The following SALL1 variants were observed in gnomAD, a reference collection of about 807,000 sequenced individuals.
SALL1 encodes the protein spalt like transcription factor 1, also known as sal-like protein 1.
SALL1 carries 10 observed loss-of-function variants against 73.1 expected under a neutral mutation model. The observed-to-expected ratio is 0.14, with a 90% confidence interval of 0.08 to 0.23. The LOEUF is 0.23. Ranked by LOEUF, SALL1 falls within the 10% of genes least tolerant of loss-of-function variation. The pLI is 1.00. For synonymous variants in SALL1, 688 were observed against 689.8 expected (o/e 1.00, Z 0.04); for missense variants, 1,520 against 1,697.3 (o/e 0.90, Z 1.84).
At position 51,139,045 on chromosome 16, in the gene SALL1, C is replaced by G. The variant is rs773114400; in HGVS notation, c.3177G>C (p.Gln1059His). The G allele has an allele frequency of 6.2e-7, 1 of 1,614,176 alleles. No homozygotes were observed. The highest frequency in any genetic ancestry group is 2.2e-5 in the East Asian group (1 of 44,880). Residue 1059 changes from glutamine to histidine, a missense_variant, in exon 2 of 3, where the codon CAG becomes CAC. Gln to His is a conservative substitution (Grantham distance 24). Around this residue, in one of 7 missense-constraint regions of SALL1, gnomAD observed 318 missense variants for 357.1 expected, o/e 0.89. Transcript: ENST00000251020. ...LTHQMRDLPS[Q>H]LFEPSSNLGP... Reference sequence around the variant, plus strand: ...CAAGGTTGGAACTGGGCTCAAAGAGCTGGGATGGCAGATCTCGCATCTGAT... The same window carrying G: ...CAAGGTTGGAACTGGGCTCAAAGAGGTGGGATGGCAGATCTCGCATCTGAT...
chr16:51,137,075 A>T lies in SALL1; in HGVS notation c.*37T>A, dbSNP rs546755867. 4 of 1,606,614 alleles carry T rather than the reference A, an allele frequency of 2.5e-6. No individual in the cohort carries two copies. On this transcript the variant is annotated 3_prime_UTR_variant, in exon 3 of 3. Transcript: ENST00000251020. ...GGAGGCCACCATAGGTCGCATTCTGAACAGGAATGAATGCTATGTCTCCAG... is the reference window on the plus strand; with the variant it reads ...GGAGGCCACCATAGGTCGCATTCTGTACAGGAATGAATGCTATGTCTCCAG...
At chr16:51,143,034 A>G (rs2143455996) in intron 1 of SALL1, among the ~76,000 whole-genome samples, 1 of 152,354 alleles carries the variant, frequency 6.6e-6, no homozygotes, top group East Asian at 1.9e-4. Context: ...TACATTTCTG[A>G]TTAAACATCA....
chr16:51,147,978 G>C (rs1395836208), intron 1 of SALL1, among the ~76,000 whole-genome samples: 1 of 152,144 alleles, frequency 6.6e-6, no homozygotes, highest in East Asian at 1.9e-4. Context: ...TTCAAGACTT[G>C]TTGAATATCA....
Position 51,136,079 on chromosome 16 carries a change from C to G in SALL1, c.*1033G>C, listed in dbSNP as rs564102982. The stretch of plus-strand genomic sequence containing the variant: ...AGTATTAAATGTTAAAGAAATTGGA[C>G]CCCCCCTTTCCTTTCAACTTTCCAA... On this transcript the variant is annotated 3_prime_UTR_variant, in exon 3 of 3. Transcript: ENST00000251020. The G allele has an allele frequency of 6.6e-6, 1 of 152,440 alleles. No homozygotes were observed. Among genetic ancestry groups the G allele is most frequent in the African/African-American group, 2.4e-5 (1 of 41,374 alleles). The allele number at this position is 152,440 out of a possible 1,614,324, so 9.4% of individuals were successfully genotyped here.
rs752050206 is a variant in SALL1 at position 51,140,138 on chromosome 16, A to G, written c.2084T>C (p.Val695Ala). The change falls in exon 2 of 3, where the codon GTA (valine) becomes GCA (alanine). Residue 695 changes from valine to alanine, a missense_variant. Physicochemically the swap from Val to Ala is moderately conservative, Grantham distance 64. Coordinates refer to ENST00000251020, the MANE Select transcript of SALL1 (RefSeq NM_002968.3). This position sits in a 1 kb window ranked among gnomAD's most constrained non-coding sequence, Gnocchi z 5.7. ...AGTGGCCTTCTTGTCAATGTTTTCT[A>G]CCAGTTGCTGAAGCTTGGACGTCTC... Reference protein sequence around the residue: ...ASETSKLQQLVENIDKKATDP... With the variant: ...ASETSKLQQLAENIDKKATDP... 6.2e-7 allele frequency: 1 copy of G among 1,614,090 alleles called. No homozygotes were observed. The highest frequency in any genetic ancestry group is 8.5e-7 in the Non-Finnish European group (1 of 1,180,020).
chr16:51,139,538 C>G lies in SALL1; in HGVS notation c.2684G>C (p.Gly895Ala). The change falls in exon 2 of 3, where the codon GGG becomes GCG. Residue 895 changes from glycine (G) to alanine (A), a missense_variant. Gly to Ala is a moderately conservative substitution (Grantham distance 60). Around this residue, in one of 7 missense-constraint regions of SALL1, gnomAD observed 266 missense variants for 275.1 expected, o/e 0.97. Transcript: ENST00000251020. Reference sequence around the variant, plus strand: ...GGATGAATCATTGGTCAGGACATCCCCCTCGATGGACCCATTCTCCACTGA... The same window carrying G: ...GGATGAATCATTGGTCAGGACATCCGCCTCGATGGACCCATTCTCCACTGA... ...LKSVENGSIE[G>A]DVLTNDSSSV... The G allele has an allele frequency of 2.5e-6, 4 of 1,614,188 alleles. No homozygotes were observed. Among genetic ancestry groups the G allele is most frequent in the Non-Finnish European group, 3.4e-6 (4 of 1,180,038 alleles).
intron 1 of SALL1, among the ~76,000 whole-genome samples, chr16:51,144,706 C>T (rs1479890898): frequency 6.6e-6 from 1 of 152,154 alleles, no homozygotes; most frequent in African/African-American, 2.4e-5. Flanking sequence ...CTTTCCTGCA[C>T]TCAAATTCTG....
Position 51,142,005 on chromosome 16 carries a change from T to A in SALL1, c.217A>T (p.Ile73Phe). 6.2e-7 allele frequency: 1 copy of A among 1,614,072 alleles called. No individual in the cohort carries two copies. Among genetic ancestry groups the A allele is most frequent in the Non-Finnish European group, 8.5e-7 (1 of 1,180,020 alleles). Reference sequence around the variant, plus strand: ...GGGGAGGCTGGATTTTCATTTACGATTAAAACTAATTGATTTTTAGTACAG... The same window carrying A: ...GGGGAGGCTGGATTTTCATTTACGAATAAAACTAATTGATTTTTAGTACAG... ...KNCTKNQLVL[I>F]VNENPASPPE... The change falls in exon 2 of 3, where the codon ATC (isoleucine) becomes TTC (phenylalanine). Residue 73 changes from isoleucine to phenylalanine, a missense_variant. Physicochemically the swap from Ile to Phe is conservative, Grantham distance 21. This residue lies in a region of SALL1 where 540 missense variants were observed against 567.5 expected (regional missense o/e 0.95). Coordinates refer to ENST00000251020, the MANE Select transcript of SALL1 (RefSeq NM_002968.3).
intron 1 of SALL1, among the ~76,000 whole-genome samples, chr16:51,144,003 G>T (rs1962481068): frequency 7.3e-6 from 1 of 137,784 alleles, no homozygotes; most frequent in Non-Finnish European, 1.5e-5. Context: ...GCACATGGAA[G>T]GTGCTGTTTT....
rs749198993 is a variant in SALL1, at chr16:51,141,954, G to T, written c.268C>A (p.Pro90Thr). ...SPPETFSPSP[P>T]PDNPDEQMND... is the part of the protein sequence containing the mutation. ...ATTTGTTCATCAGGATTATCAGGAGGGGGGCTGGGGGAGAAGGTTTCGGGT... is the reference window on the plus strand; with the variant it reads ...ATTTGTTCATCAGGATTATCAGGAGTGGGGCTGGGGGAGAAGGTTTCGGGT... Residue 90 changes from proline (P) to threonine (T), a missense_variant, in exon 2 of 3, where the codon CCT (proline) becomes ACT (threonine). Pro to Thr is a conservative substitution (Grantham distance 38). Around this residue, in one of 7 missense-constraint regions of SALL1, gnomAD observed 540 missense variants for 567.5 expected, o/e 0.95. Transcript: ENST00000251020. The surrounding 1 kb of genome is among the most constrained non-coding windows in gnomAD (Gnocchi z 5.4). 49 of 1,613,846 alleles carry T rather than the reference G, an allele frequency of 3.0e-5. No individual in the cohort carries two copies. Among genetic ancestry groups the T allele is most frequent in the Non-Finnish European group, 3.8e-5 (45 of 1,180,002 alleles).
At chr16:51,150,943 G>C (rs1962589223) in intron 1 of SALL1, 1 of 410,498 alleles carries the variant, frequency 2.4e-6, no homozygotes, top group Admixed American at 4.2e-5. Context: ...GAAAGATCCT[G>C]CCGGGAGATG....
Position 51,137,013 on chromosome 16 carries a change from G to C in SALL1, c.*99C>G. 1.0e-6 allele frequency: 1 copy of C among 977,412 alleles called. No homozygotes were observed. The highest frequency in any genetic ancestry group is 2.1e-5 in the Admixed American group (1 of 46,732). The allele number at this position is 977,412 out of a possible 1,614,324, so 60.5% of individuals were successfully genotyped here. ...TTGTAGTTCATAGATCTGGGGAACA[G>C]AAGGAAGGGGCGGGGCGGGGTGGGG... On this transcript the variant is annotated 3_prime_UTR_variant, in exon 3 of 3. Transcript: ENST00000251020.
chr16:51,137,460 A>G lies in SALL1; in HGVS notation c.3627T>C (p.Asn1209=). ...VDGPMTFLGG[N]PVKFPEMFQK... ...GGAACATTTCTGGGAACTTGACGGG[A>G]TTGCCTCCTAGAAATGTCATGGGGC... The change falls in exon 3 of 3, where the codon AAT becomes AAC. Residue 1209 remains asparagine, a synonymous_variant. Transcript: ENST00000251020. 2 of 1,613,930 alleles carry G rather than the reference A, an allele frequency of 1.2e-6. No individual in the cohort carries two copies. The highest frequency in any genetic ancestry group is 1.7e-6 in the Non-Finnish European group (2 of 1,179,990).
upstream of SALL1, chr16:51,152,158 G>A (rs1248709744): frequency 6.6e-6 from 1 of 152,184 alleles, no homozygotes; most frequent in Non-Finnish European, 1.5e-5. Flanking sequence ...GGGGCGCGGA[G>A]AAGAGGATCC....
intron 1 of SALL1, among the ~76,000 whole-genome samples, chr16:51,150,154 C>T (rs913750020): frequency 6.6e-6 from 1 of 152,196 alleles, no homozygotes; most frequent in Non-Finnish European, 1.5e-5. Context: ...CTGCCCGGAT[C>T]TCTTCCACTC....
intron 1 of SALL1, among the ~76,000 whole-genome samples, chr16:51,148,777 A>G (rs947555858): frequency 2.0e-5 from 3 of 152,224 alleles, no homozygotes; most frequent in Non-Finnish European, 4.4e-5. Flanking sequence ...ATTACAACAC[A>G]CTAAATCCTG....
chr16:51,149,170 T>C (rs1021839019), intron 1 of SALL1: 3 of 152,592 alleles, frequency 2.0e-5, no homozygotes, highest in Non-Finnish European at 1.5e-5. Flanking sequence ...TATTATTGCT[T>C]TATGAGAAGA....
rs369966012 is a variant in SALL1 at position 51,141,927 on chromosome 16, T to A, written c.295A>T (p.Asn99Tyr). The A allele has an allele frequency of 1.2e-6, 2 of 1,613,716 alleles. No homozygotes were observed. Among genetic ancestry groups the A allele is most frequent in the Non-Finnish European group, 1.7e-6 (2 of 1,179,944 alleles). ...PPPDNPDEQMNDTVNKTDQVD... is the reference protein window; with the variant it reads ...PPPDNPDEQMYDTVNKTDQVD... ...TGATCTGTTTTGTTAACTGTGTCAT[T>A]CATTTGTTCATCAGGATTATCAGGA... The change falls in exon 2 of 3, where the codon AAT (asparagine) becomes TAT (tyrosine). Residue 99 changes from asparagine to tyrosine, a missense_variant. Asn to Tyr is a moderately radical substitution (Grantham distance 143, BLOSUM62 -2). Around this residue, in one of 7 missense-constraint regions of SALL1, gnomAD observed 540 missense variants for 567.5 expected, o/e 0.95. Coordinates refer to ENST00000251020, the MANE Select transcript of SALL1 (RefSeq NM_002968.3). This position sits in a 1 kb window ranked among gnomAD's most constrained non-coding sequence, Gnocchi z 5.4.
At position 51,137,406 on chromosome 16, in the gene SALL1, A is replaced by C. The variant is rs1170249889; in HGVS notation, c.3681T>G (p.Ser1227Arg). The C allele has an allele frequency of 6.2e-7, 1 of 1,614,046 alleles. No individual in the cohort carries two copies. Among genetic ancestry groups the C allele is most frequent in the Admixed American group, 1.7e-5 (1 of 60,018 alleles). ...FQKDLAARSG[S>R]GDPSSFWNQY... ...GATTCCAGAAGCTGGAAGGATCCCC[A>C]CTTCCTGATCTTGCCGCCAAATCCT... The change falls in exon 3 of 3, where the codon AGT becomes AGG. Residue 1227 changes from serine to arginine, a missense_variant. Coordinates refer to ENST00000251020, the MANE Select transcript of SALL1 (RefSeq NM_002968.3).
Sources: allele counts gnomAD v4.1 joint callset (sites outside exome capture counted in the v4.1 genomes callset), GRCh38; gene constraint gnomAD v4.1.1; regional missense constraint gnomAD v4.1.1; non-coding constraint Gnocchi (gnomAD v3.1); transcripts MANE v1.5; gene names NCBI Gene and HGNC (gene_info 2026-07-23, HGNC 2026-07-21).